Variants in GALNT13 observed in about 807,000 individuals in gnomAD.
GALNT13 encodes the protein polypeptide N-acetylgalactosaminyltransferase 13.
Under a neutral mutation model 64.2 loss-of-function variants are expected in GALNT13, and 28 were observed. The ratio of observed to expected loss-of-function variants is 0.44; its 90% confidence interval spans 0.32 to 0.60. GALNT13 has a LOEUF of 0.60. Among genes scored for constraint, GALNT13 ranks in the 20% least tolerant of loss-of-function variants. The probability of loss-of-function intolerance (pLI) is 0.05; values close to 1 mark genes in which losing one functional copy is unlikely to be tolerated. For missense variants in GALNT13, 577 were observed against 669.8 expected (o/e 0.86, Z 1.53); for synonymous variants, 214 against 224.6 (o/e 0.95, Z 0.42).
the GALNT13 span, among the ~76,000 whole-genome samples, chr2:153,427,207 G>A: frequency 4.7e-4 from 71 of 152,132 alleles, no homozygotes; most frequent in Middle Eastern, 3.4e-3. Context: ...TATCATGGAA[G>A]CTACAGTGTA....
At chr2:153,447,318 T>C in the GALNT13 span, among the ~76,000 whole-genome samples, 1 of 152,164 alleles carries the variant, frequency 6.6e-6, no homozygotes, top group African/African-American at 2.4e-5. Flanking sequence ...CTCTCATAGC[T>C]CTGGCCTCCA....
the GALNT13 span, among the ~76,000 whole-genome samples, chr2:153,123,225 A>G: frequency 6.6e-6 from 1 of 152,190 alleles, no homozygotes; most frequent in Non-Finnish European, 1.5e-5. Flanking sequence ...ACTAGATGCT[A>G]GGAAGAGGCA....
the GALNT13 span, among the ~76,000 whole-genome samples, chr2:153,750,431 T>C: frequency 6.6e-6 from 1 of 151,942 alleles, no homozygotes; most frequent in African/African-American, 2.4e-5. Context: ...TTTCATAGAA[T>C]TCAGCATTGA....
At chr2:154,110,535 G>A (rs189246440) in intron 3 of GALNT13, among the ~76,000 whole-genome samples, 82 of 151,510 alleles carry the variant, frequency 5.4e-4, no homozygotes, top group African/African-American at 1.9e-3. Context: ...CGATGTTCGA[G>A]GGCAGAAAGC....
the GALNT13 span, among the ~76,000 whole-genome samples, chr2:153,235,701 C>G: frequency 2.6e-5 from 4 of 151,998 alleles, no homozygotes; most frequent in Non-Finnish European, 5.9e-5. Context: ...AACCATGAAC[C>G]CAGGATGTGG....
chr2:153,254,156 G>A, the GALNT13 span, among the ~76,000 whole-genome samples: 4 of 152,212 alleles, frequency 2.6e-5, no homozygotes, highest in Middle Eastern at 3.4e-3. Context: ...TCCTGTTATT[G>A]GTCTATTCAG....
the GALNT13 span, among the ~76,000 whole-genome samples, chr2:153,238,345 A>G: frequency 3.3e-5 from 5 of 151,878 alleles, no homozygotes; most frequent in South Asian, 1.0e-3. Flanking sequence ...ATGTTATCCC[A>G]TTTGTCCATT....
At chr2:153,455,756 C>A in the GALNT13 span, among the ~76,000 whole-genome samples, 1 of 152,116 alleles carries the variant, frequency 6.6e-6, no homozygotes, top group Non-Finnish European at 1.5e-5. Context: ...GGGTAGCTGC[C>A]CTCAAGCAGC....
intron 4 of GALNT13, among the ~76,000 whole-genome samples, chr2:154,219,919 C>T (rs1030592130): frequency 6.6e-6 from 1 of 152,072 alleles, no homozygotes; most frequent in African/African-American, 2.4e-5. Flanking sequence ...AGACCCTCAG[C>T]AGGGAGCAAC....
At chr2:153,705,988 CTATATA>C in the GALNT13 span, among the ~76,000 whole-genome samples, 1 of 150,992 alleles carries the variant, frequency 6.6e-6, no homozygotes, top group Admixed American at 6.6e-5. Context: ...GTATTGAGGA[CTATATA>C]TATATATATT....
chr2:153,812,848 A>G, the GALNT13 span, among the ~76,000 whole-genome samples: 1 of 152,318 alleles, frequency 6.6e-6, no homozygotes, highest in East Asian at 1.9e-4. Flanking sequence ...AATCTTATGT[A>G]AATGGTGATA....
chr2:154,375,531 C>T (rs531856980), intron 9 of GALNT13, among the ~76,000 whole-genome samples: 2 of 151,994 alleles, frequency 1.3e-5, no homozygotes, highest in African/African-American at 4.8e-5. Flanking sequence ...TAACCACTAG[C>T]CTGGGAAATT....
At chr2:153,567,986 A>G in the GALNT13 span, among the ~76,000 whole-genome samples, 1 of 152,192 alleles carries the variant, frequency 6.6e-6, no homozygotes, top group East Asian at 1.9e-4. Context: ...GAAACGTGTT[A>G]GCTTCCTGAG....
intron 8 of GALNT13, among the ~76,000 whole-genome samples, chr2:154,274,632 A>G (rs1691539282): frequency 1.3e-5 from 2 of 152,138 alleles, no homozygotes. Flanking sequence ...CACCGTGATT[A>G]TAAGTTTCCT....
chr2:153,550,187 A>G, the GALNT13 span, among the ~76,000 whole-genome samples: 1 of 151,986 alleles, frequency 6.6e-6, no homozygotes, highest in Non-Finnish European at 1.5e-5. Flanking sequence ...TGTTATTTCC[A>G]TACATATTTG....
chr2:153,233,145 C>A, the GALNT13 span, among the ~76,000 whole-genome samples: 1 of 152,134 alleles, frequency 6.6e-6, no homozygotes, highest in Non-Finnish European at 1.5e-5. Flanking sequence ...AAATTAGAAG[C>A]TTCCACGTTA....
At chr2:153,942,009 A>G (rs1691370523) in intron 2 of GALNT13, among the ~76,000 whole-genome samples, 1 of 152,186 alleles carries the variant, frequency 6.6e-6, no homozygotes, top group Admixed American at 6.5e-5. Flanking sequence ...ATAAAGTTTA[A>G]GTTAAATTCT....
At chr2:153,082,598 TATATATATATATATATATATACACAC>T in the GALNT13 span, among the ~76,000 whole-genome samples, 11 of 46,330 alleles carry the variant, frequency 2.4e-4, no homozygotes, top group East Asian at 1.3e-3. Flanking sequence ...TATATATATA[TATATATATATATATATATATACACAC>T]ACACACACAC....
the GALNT13 span, among the ~76,000 whole-genome samples, chr2:153,749,900 T>A: frequency 6.6e-6 from 1 of 151,964 alleles, no homozygotes; most frequent in Non-Finnish European, 1.5e-5. Flanking sequence ...ATTCTTGTCA[T>A]GTCCCAGATC....
Sources: gnomAD v4.1 joint callset for allele counts (sites outside exome capture counted in the v4.1 genomes callset) on GRCh38, gnomAD v4.1.1 for gene constraint, MANE v1.5 for transcripts, NCBI Gene and HGNC (gene_info 2026-07-23, HGNC 2026-07-21) for gene names.